EXOC4: variants seen among roughly 807,000 people sequenced by gnomAD.
EXOC4 encodes the protein SEC8-like 1.
Under a neutral mutation model 107.2 loss-of-function variants are expected in EXOC4, and 71 were observed. The ratio of observed to expected loss-of-function variants is 0.66; its 90% CI spans 0.55 to 0.81. EXOC4 has a LOEUF of 0.81. Among genes scored for constraint, EXOC4 ranks in the 30% least tolerant of loss-of-function variants. The pLI is 0.00. For missense variants in EXOC4, 1,108 were observed against 1,189.6 expected (o/e 0.93, Z 1.01); for synonymous variants, 456 against 441.2 (o/e 1.03, Z -0.42).
intron 10 of EXOC4, among the ~76,000 whole-genome samples, chr7:133,732,093 A>G (rs566107249): frequency 2.6e-5 from 4 of 152,372 alleles, no homozygotes; most frequent in Non-Finnish European, 4.4e-5. Context: ...CATATACACC[A>G]TGGAATACTG....
chr7:133,989,168 G>C (rs780737247), intron 14 of EXOC4, among the ~76,000 whole-genome samples: 1 of 152,126 alleles, frequency 6.6e-6, no homozygotes, highest in Non-Finnish European at 1.5e-5. Flanking sequence ...CTTTGCTAGA[G>C]AGAGTCAAAA....
At chr7:133,441,501 A>T (rs1371194370) in intron 7 of EXOC4, among the ~76,000 whole-genome samples, 1 of 151,944 alleles carries the variant, frequency 6.6e-6, no homozygotes, top group Admixed American at 6.6e-5. Flanking sequence ...AGTGATTCTC[A>T]TGCCTCAGCC....
At chr7:134,098,042 G>A in the EXOC4 span, among the ~76,000 whole-genome samples, 3,848 of 152,270 alleles carry the variant, frequency 0.025, 84 homozygotes, top group East Asian at 0.08. Context: ...GCACTGTCAC[G>A]AAAGGAGGAT....
Position 133,580,822 on chromosome 7 carries a change from G to A in EXOC4, c.1418-49223G>A, listed in dbSNP as rs376756422. Among the ~76,000 whole-genome samples, 24 of 152,272 alleles carry A rather than the reference G, an allele frequency of 1.6e-4. 1 individual carries two copies. The East Asian group carries it at 2.1e-3, about 13-fold the overall frequency. ...AGTGAATGCTACTGAATGTGGATTCGTGTCAGACACTGTACTATCCATATG... is the reference window on the plus strand; with the variant it reads ...AGTGAATGCTACTGAATGTGGATTCATGTCAGACACTGTACTATCCATATG... On this transcript the variant is annotated intron_variant, in intron 9 of 17. Transcript: ENST00000253861.
At chr7:133,966,387 G>T (rs758258732) in intron 14 of EXOC4, among the ~76,000 whole-genome samples, 1 of 152,144 alleles carries the variant, frequency 6.6e-6, no homozygotes, top group East Asian at 1.9e-4. Flanking sequence ...GTGAGAGAGG[G>T]CATCCTTGTC....
intron 2 of EXOC4, among the ~76,000 whole-genome samples, chr7:133,278,341 T>C (rs1014546059): frequency 1.3e-5 from 2 of 152,192 alleles, no homozygotes; most frequent in African/African-American, 4.8e-5. Flanking sequence ...GGAGACAGAC[T>C]ACAGACTATA....
chr7:133,691,616 T>C (rs1009105941), intron 10 of EXOC4, among the ~76,000 whole-genome samples: 1 of 152,090 alleles, frequency 6.6e-6, no homozygotes, highest in African/African-American at 2.4e-5. Flanking sequence ...ATAAATATAA[T>C]GGGGAGAGAC....
chr7:133,914,268 C>T (rs1265211144), intron 12 of EXOC4, among the ~76,000 whole-genome samples: 1 of 152,056 alleles, frequency 6.6e-6, no homozygotes, highest in Non-Finnish European at 1.5e-5. Flanking sequence ...AGAGAATTCT[C>T]CAGATGCCAT....
chr7:134,004,852 T>C, intron 15 of EXOC4, 60 bp from the exon 16 acceptor site: 1 of 1,436,726 alleles, frequency 7.0e-7, no homozygotes, highest in South Asian at 1.3e-5. Flanking sequence ...TGTCCCAAGA[T>C]CATTGCCCTC....
chr7:134,019,676 C>G (rs1794986481), intron 17 of EXOC4, among the ~76,000 whole-genome samples: 1 of 152,174 alleles, frequency 6.6e-6, no homozygotes. Context: ...GTCAATCCAA[C>G]CCCAAAGTCT....
chr7:133,647,406 T>G (rs1803020050), intron 10 of EXOC4, among the ~76,000 whole-genome samples: 1 of 152,124 alleles, frequency 6.6e-6, no homozygotes. Context: ...ATCAACACTT[T>G]GCATGTAGTA....
chr7:133,946,754 T>C (rs1346130949), intron 14 of EXOC4, among the ~76,000 whole-genome samples: 1 of 152,250 alleles, frequency 6.6e-6, no homozygotes, highest in African/African-American at 2.4e-5. Flanking sequence ...CTTCTGTTTA[T>C]CGTGCAAGCT....
At chr7:133,858,312 G>C (rs548083034) in intron 11 of EXOC4, among the ~76,000 whole-genome samples, 1 of 152,156 alleles carries the variant, frequency 6.6e-6, no homozygotes, top group East Asian at 1.9e-4. Flanking sequence ...ACCTGCAGAC[G>C]GGCAGTCGTA....
chr7:133,509,796 A>G (rs754039189), intron 9 of EXOC4, among the ~76,000 whole-genome samples: 1 of 152,200 alleles, frequency 6.6e-6, no homozygotes, highest in Non-Finnish European at 1.5e-5. Flanking sequence ...GTCTTTGTTA[A>G]TGAGGGGTGT....
chr7:133,421,805 A>G (rs866617898), intron 7 of EXOC4, among the ~76,000 whole-genome samples: 6 of 152,228 alleles, frequency 3.9e-5, no homozygotes, highest in Middle Eastern at 3.4e-3. Context: ...TTTTCCCCCA[A>G]TGCCTACATA....
At chr7:133,867,063 G>A (rs1298185204) in intron 11 of EXOC4, among the ~76,000 whole-genome samples, 3 of 152,218 alleles carry the variant, frequency 2.0e-5, no homozygotes, top group African/African-American at 7.2e-5. Context: ...AACCACTGGA[G>A]CCTGTATGGA....
At chr7:134,062,286 C>T (rs1796081575) in intron 17 of EXOC4, among the ~76,000 whole-genome samples, 1 of 152,144 alleles carries the variant, frequency 6.6e-6, no homozygotes, top group Non-Finnish European at 1.5e-5. Context: ...GAAAAGGAGG[C>T]TTAGCAGGAG....
At chr7:133,675,796 G>A (rs888313) in intron 10 of EXOC4, among the ~76,000 whole-genome samples, 150,280 of 152,268 alleles carry the variant, frequency 0.99, 74,199 homozygotes, top group Middle Eastern at 1. Context: ...TGATTTGGGT[G>A]GTTGGGAATT....
chr7:133,773,391 A>G (rs1215550876), intron 10 of EXOC4, among the ~76,000 whole-genome samples: 1 of 151,908 alleles, frequency 6.6e-6, no homozygotes, highest in Non-Finnish European at 1.5e-5. Flanking sequence ...CCTTCTGTCA[A>G]TTCCCCTTGA....
Sources: allele counts gnomAD v4.1 joint callset (sites outside exome capture counted in the v4.1 genomes callset), GRCh38; gene constraint gnomAD v4.1.1; transcripts MANE v1.5; gene names NCBI Gene and HGNC (gene_info 2026-07-23, HGNC 2026-07-21).